Variants in PCDH15 observed in about 807,000 individuals in gnomAD.
The protein encoded by PCDH15 is protocadherin related 15.
Under a neutral mutation model 178.5 loss-of-function variants are expected in PCDH15, and 129 were observed. The observed-to-expected ratio is 0.72, with a 90% CI of 0.63 to 0.84. PCDH15 has a LOEUF of 0.84. PCDH15 is among the 40% of genes least tolerant of loss of function. The probability of loss-of-function intolerance (pLI) is 0.00; values close to 1 mark genes in which losing one functional copy is unlikely to be tolerated. For missense variants in PCDH15, 2,230 were observed against 2,099.9 expected (o/e 1.06, Z -1.21); for synonymous variants, 800 against 732.0 (o/e 1.09, Z -1.50).
Position 53,831,538 on chromosome 10 carries a change from A to G in PCDH15, c.3984-5T>C, listed in dbSNP as rs2077015378. 1.9e-6 allele frequency: 3 copies of G among 1,592,812 alleles called. No individual in the cohort carries two copies. Among genetic ancestry groups the G allele is most frequent in the Non-Finnish European group, 1.7e-6 (2 of 1,160,958 alleles). On this transcript the variant is annotated splice_polypyrimidine_tract_variant and splice_region_variant and intron_variant, in intron 29 of 37. Coordinates refer to ENST00000644397, the MANE Select transcript of PCDH15 (RefSeq NM_001384140.1). Reference sequence around the variant, plus strand: ...AGTAGTTTGCCATCCAAAAATCTTTATTGTTAGATAAATAGTAAAATTAAT... The same window carrying G: ...AGTAGTTTGCCATCCAAAAATCTTTGTTGTTAGATAAATAGTAAAATTAAT...
chr10:55,357,154 A>G (rs72805803), intron 2 of PCDH15, among the ~76,000 whole-genome samples: 15,138 of 152,004 alleles, frequency 0.1, 834 homozygotes, highest in East Asian at 0.16. Flanking sequence ...AGATGTAAAC[A>G]AGTCAAAAGC....
chr10:54,248,765 C>A (rs1423816376), intron 8 of PCDH15, among the ~76,000 whole-genome samples: 1 of 151,320 alleles, frequency 6.6e-6, no homozygotes, highest in African/African-American at 2.5e-5. Flanking sequence ...AAAATAACAA[C>A]AAACAGACAT....
intron 2 of PCDH15, among the ~76,000 whole-genome samples, chr10:54,546,186 T>C (rs570032265): frequency 6.1e-4 from 93 of 152,326 alleles, no homozygotes; most frequent in Non-Finnish European, 1.2e-3. Context: ...TGCTTCTAAG[T>C]CACTAGACCA....
intron 2 of PCDH15, among the ~76,000 whole-genome samples, chr10:55,618,221 G>T (rs966170014): frequency 6.6e-6 from 1 of 151,722 alleles, no homozygotes; most frequent in African/African-American, 2.4e-5. Context: ...AATATGTTTT[G>T]TTTTCTTGTT....
intron 1 of PCDH15, among the ~76,000 whole-genome samples, chr10:54,684,104 A>T (rs2094949956): frequency 6.6e-6 from 1 of 152,038 alleles, no homozygotes; most frequent in South Asian, 2.1e-4. Flanking sequence ...TTTTTCACAT[A>T]TTAAAATGCA....
rs780316497 is a variant in PCDH15 at position 54,195,907 on chromosome 10, A to G, written c.1099-18T>C. The G allele has an allele frequency of 1.4e-5, 23 of 1,603,424 alleles. No individual in the cohort carries two copies. The South Asian group carries it at 2.4e-4, about 17-fold the overall frequency. On this transcript the variant is annotated intron_variant, in intron 10 of 37. Coordinates refer to ENST00000644397, the MANE Select transcript of PCDH15 (RefSeq NM_001384140.1). ...TGTTCAGCCTAAAATTGAAAAGAAA[A>G]GAAAATATTTAGAAAGTATATGTCG...
At chr10:54,027,393 C>G (rs1260857033) in intron 18 of PCDH15, among the ~76,000 whole-genome samples, 1 of 152,042 alleles carries the variant, frequency 6.6e-6, no homozygotes, top group Non-Finnish European at 1.5e-5. Context: ...TCAATGCCAT[C>G]CCCATCAAGC....
intron 15 of PCDH15, among the ~76,000 whole-genome samples, chr10:54,090,934 T>A (rs1302520937): frequency 6.6e-6 from 1 of 152,180 alleles, no homozygotes; most frequent in Non-Finnish European, 1.5e-5. Flanking sequence ...TCAAGGCACA[T>A]AGACTAATAT....
chr10:55,027,183 C>T (rs140907296), intron 2 of PCDH15, among the ~76,000 whole-genome samples: 3 of 151,864 alleles, frequency 2.0e-5, no homozygotes, highest in East Asian at 1.9e-4. Context: ...GGAAAAACTA[C>T]GAGGGAGTTT....
chr10:54,713,962 T>C (rs2095451416), intron 1 of PCDH15, among the ~76,000 whole-genome samples: 1 of 152,172 alleles, frequency 6.6e-6, no homozygotes, highest in East Asian at 1.9e-4. Context: ...TGTTTATCAA[T>C]GAACCAATAG....
At chr10:55,176,906 T>C (rs996727177) in intron 1 of PCDH15, among the ~76,000 whole-genome samples, 8 of 152,132 alleles carry the variant, frequency 5.3e-5, no homozygotes, top group African/African-American at 1.9e-4. Context: ...GCCCTACCTG[T>C]TTGGGCAGGC....
intron 2 of PCDH15, among the ~76,000 whole-genome samples, chr10:55,501,292 T>G (rs560795241): frequency 5.9e-5 from 9 of 151,834 alleles, no homozygotes; most frequent in African/African-American, 1.9e-4. Flanking sequence ...ATTTTGGACT[T>G]TTAGCCTCCA....
At chr10:54,221,379 A>C (rs1025933130) in intron 9 of PCDH15, among the ~76,000 whole-genome samples, 1 of 152,138 alleles carries the variant, frequency 6.6e-6, no homozygotes, top group Non-Finnish European at 1.5e-5. Context: ...AAAATGCTAC[A>C]CAATTATCTT....
At chr10:55,048,365 G>A (rs1474553944) in intron 2 of PCDH15, among the ~76,000 whole-genome samples, 2 of 151,810 alleles carry the variant, frequency 1.3e-5, no homozygotes, top group Non-Finnish European at 2.9e-5. Flanking sequence ...TTCAACCTGA[G>A]TTTTGTTCAA....
intron 2 of PCDH15, among the ~76,000 whole-genome samples, chr10:54,961,879 G>T (rs1055913144): frequency 6.6e-6 from 1 of 152,056 alleles, no homozygotes. Flanking sequence ...CTCACTTCGG[G>T]TCTTCTCTAC....
At chr10:54,592,014 A>C (rs1056138105) in intron 2 of PCDH15, among the ~76,000 whole-genome samples, 3 of 152,128 alleles carry the variant, frequency 2.0e-5, no homozygotes, top group African/African-American at 4.8e-5. Context: ...GTTCCAAAAA[A>C]GCTATGACCT....
Position 53,822,177 on chromosome 10 carries a change from G to A in PCDH15, c.4368-1947C>T, listed in dbSNP as rs2076316565. The A allele has an allele frequency of 6.2e-7, 1 of 1,614,012 alleles. No individual in the cohort carries two copies. Among genetic ancestry groups the A allele is most frequent in the Non-Finnish European group, 8.5e-7 (1 of 1,179,942 alleles). On this transcript the variant is annotated intron_variant, in intron 32 of 37. Transcript: ENST00000644397. The stretch of plus-strand genomic sequence containing the variant: ...AATTTTCTCGGCAGGCATCAAGTTG[G>A]TCGTGCATTTAACACCTGTTATACA...
chr10:55,143,666 G>C (rs1417637193), intron 2 of PCDH15, among the ~76,000 whole-genome samples: 1 of 151,958 alleles, frequency 6.6e-6, no homozygotes, highest in Non-Finnish European at 1.5e-5. Flanking sequence ...ACAGATGTGA[G>C]GGTTCTATAT....
intron 21 of PCDH15, among the ~76,000 whole-genome samples, chr10:53,968,514 A>C (rs561803859): frequency 2.0e-5 from 3 of 152,160 alleles, no homozygotes; most frequent in Non-Finnish European, 4.4e-5. Context: ...TGCTTCCCCC[A>C]GCACAGAGTT....
Sources: gnomAD v4.1 joint callset for allele counts (sites outside exome capture counted in the v4.1 genomes callset) on GRCh38, gnomAD v4.1.1 for gene constraint, MANE v1.5 for transcripts, NCBI Gene and HGNC (gene_info 2026-07-23, HGNC 2026-07-21) for gene names.